GLIS3: variants seen among roughly 807,000 people sequenced by gnomAD.
The protein encoded by GLIS3 is zinc finger protein GLIS3.
GLIS3 carries 53 observed loss-of-function variants against 78.6 expected under a neutral mutation model. The observed-to-expected ratio is 0.67, with a 90% CI of 0.54 to 0.85. The LOEUF (loss-of-function observed/expected upper bound fraction) is 0.85, where lower values mean the gene tolerates loss of function less well. Among genes scored for constraint, GLIS3 ranks in the 40% least tolerant of loss-of-function variants. The probability of loss-of-function intolerance (pLI) is 0.00; values close to 1 mark genes in which losing one functional copy is unlikely to be tolerated. For synonymous variants in GLIS3, 684 were observed against 509.9 expected (o/e 1.34, Z -4.60); for missense variants, 1,703 against 1,231.1 (o/e 1.38, Z -5.74).
intron 2 of GLIS3, among the ~76,000 whole-genome samples, chr9:4,248,681 T>A (rs1420978817): frequency 6.6e-6 from 1 of 152,210 alleles, no homozygotes; most frequent in Non-Finnish European, 1.5e-5. Context: ...TTCCACATGG[T>A]TGAACTAATT....
At chr9:3,947,005 C>T (rs1467305956) in intron 4 of GLIS3, among the ~76,000 whole-genome samples, 1 of 143,516 alleles carries the variant, frequency 7.0e-6, no homozygotes, top group Non-Finnish European at 1.6e-5. Context: ...ATCCTACAGC[C>T]AACCCCTCAC....
intron 4 of GLIS3, among the ~76,000 whole-genome samples, chr9:4,091,586 T>A (rs1350316117): frequency 1.3e-5 from 2 of 152,158 alleles, no homozygotes; most frequent in Non-Finnish European, 1.5e-5. Flanking sequence ...TGTCGCTTAA[T>A]GACAAGAATA....
chr9:4,257,021 G>C (rs866837627), intron 2 of GLIS3, among the ~76,000 whole-genome samples: 21 of 152,088 alleles, frequency 1.4e-4, no homozygotes, highest in African/African-American at 4.1e-4. Flanking sequence ...GTACATATAT[G>C]TGTTAATATT....
At chr9:4,375,064 G>A in the GLIS3 span, among the ~76,000 whole-genome samples, 3 of 152,154 alleles carry the variant, frequency 2.0e-5, no homozygotes, top group African/African-American at 7.2e-5. Flanking sequence ...TGCTTTGATT[G>A]CTCTCTGCTT....
chr9:4,434,094 C>CAAA, the GLIS3 span, among the ~76,000 whole-genome samples: 10 of 100,158 alleles, frequency 1.0e-4, no homozygotes, highest in East Asian at 2.7e-4. Flanking sequence ...GACTCTGTCT[C>CAAA]AAAAAAAAAA....
chr9:4,283,840 C>G (rs909746295), intron 2 of GLIS3, among the ~76,000 whole-genome samples: 5 of 152,182 alleles, frequency 3.3e-5, no homozygotes, highest in Admixed American at 6.5e-5. Context: ...CTGATGGTAT[C>G]TAAGCTCCAA....
At chr9:4,131,464 A>T (rs937612872) in intron 2 of GLIS3, among the ~76,000 whole-genome samples, 1 of 152,178 alleles carries the variant, frequency 6.6e-6, no homozygotes. Flanking sequence ...TCAGTGGGAT[A>T]GAGCCTTCAT....
At chr9:4,481,423 G>T in the GLIS3 span, among the ~76,000 whole-genome samples, 2 of 151,898 alleles carry the variant, frequency 1.3e-5, no homozygotes, top group Non-Finnish European at 2.9e-5. Flanking sequence ...GGTGTATGTT[G>T]CAGTGAGCCT....
intron 2 of GLIS3, among the ~76,000 whole-genome samples, chr9:4,189,774 T>G (rs887282817): frequency 2.6e-5 from 4 of 152,190 alleles, no homozygotes; most frequent in African/African-American, 9.7e-5. Context: ...CTTTTGATCT[T>G]TGCTGGTTTA....
intron 8 of GLIS3, among the ~76,000 whole-genome samples, chr9:3,878,016 G>C (rs760031699): frequency 6.6e-6 from 1 of 152,034 alleles, no homozygotes; most frequent in Non-Finnish European, 1.5e-5. Flanking sequence ...GACTTCATCA[G>C]CCATGTATGC....
intron 4 of GLIS3, among the ~76,000 whole-genome samples, chr9:3,961,369 T>TA (rs2130882841): frequency 6.6e-6 from 1 of 152,314 alleles, no homozygotes; most frequent in South Asian, 2.1e-4. Context: ...TTGAATCTGA[T>TA]ATGTGACCAA....
At chr9:4,479,764 G>A in the GLIS3 span, among the ~76,000 whole-genome samples, 1 of 152,110 alleles carries the variant, frequency 6.6e-6, no homozygotes, top group South Asian at 2.1e-4. Flanking sequence ...GGGAGTGGGA[G>A]ACAGAGCTGC....
the GLIS3 span, among the ~76,000 whole-genome samples, chr9:4,460,008 T>G: frequency 6.6e-6 from 1 of 152,082 alleles, no homozygotes; most frequent in Non-Finnish European, 1.5e-5. Flanking sequence ...ACTCTAAAAG[T>G]TTGTGCCGCT....
intron 2 of GLIS3, among the ~76,000 whole-genome samples, chr9:4,329,161 T>C (rs1428188372): frequency 6.6e-6 from 1 of 152,174 alleles, no homozygotes; most frequent in South Asian, 2.1e-4. Flanking sequence ...TTTCTACCTC[T>C]GTGGCCCTTC....
the GLIS3 span, among the ~76,000 whole-genome samples, chr9:4,401,174 A>G: frequency 6.6e-6 from 1 of 152,148 alleles, no homozygotes; most frequent in South Asian, 2.1e-4. Flanking sequence ...GGGGCAGTGG[A>G]GAGTCCACTT....
intron 2 of GLIS3, among the ~76,000 whole-genome samples, chr9:4,213,440 G>A (rs1250900889): frequency 1.3e-5 from 2 of 152,162 alleles, no homozygotes; most frequent in East Asian, 3.9e-4. Flanking sequence ...ACTAAACAAG[G>A]ACTGTCCAGT....
intron 2 of GLIS3, among the ~76,000 whole-genome samples, chr9:4,177,519 C>A (rs1404074526): frequency 2.6e-5 from 4 of 152,180 alleles, no homozygotes; most frequent in Non-Finnish European, 5.9e-5. Context: ...ACCCTCCCTT[C>A]TCCTCATTCA....
chr9:4,188,885 CT>C (rs1276755931), intron 2 of GLIS3, among the ~76,000 whole-genome samples: 2 of 152,140 alleles, frequency 1.3e-5, no homozygotes, highest in African/African-American at 2.4e-5. Flanking sequence ...ACTCTTCTCT[CT>C]TTTTTTCTTT....
At chr9:4,360,503 G>A in the GLIS3 span, among the ~76,000 whole-genome samples, 12 of 152,146 alleles carry the variant, frequency 7.9e-5, no homozygotes, top group Admixed American at 5.9e-4. Flanking sequence ...CATACCTTAA[G>A]CCCTTTGCAT....
Sources: allele counts gnomAD v4.1 joint callset (sites outside exome capture counted in the v4.1 genomes callset), GRCh38; gene constraint gnomAD v4.1.1; transcripts MANE v1.5; gene names NCBI Gene and HGNC (gene_info 2026-07-23, HGNC 2026-07-21).